The following SLC37A1 variants were observed in gnomAD, a reference collection of about 807,000 sequenced individuals.
SLC37A1 encodes the protein glucose-6-phosphate exchanger SLC37A1.
Under a neutral mutation model 75.3 loss-of-function variants are expected in SLC37A1, and 49 were observed. The observed-to-expected ratio is 0.65, with a 90% CI of 0.52 to 0.83. SLC37A1 has a LOEUF of 0.83. SLC37A1 is among the 40% of genes least tolerant of loss of function. SLC37A1 has a pLI of 0.00. For missense variants in SLC37A1, 566 were observed against 695.0 expected (o/e 0.81, Z 2.09); for synonymous variants, 268 against 292.1 (o/e 0.92, Z 0.84).
At chr21:42,572,362 G>A (rs866393576) in intron 17 of SLC37A1, among the ~76,000 whole-genome samples, 8 of 152,144 alleles carry the variant, frequency 5.3e-5, no homozygotes, top group South Asian at 4.2e-4. Context: ...GCCCCTGTTC[G>A]TTTGATAAGT....
At chr21:42,532,003 C>A (rs1055406519) in intron 3 of SLC37A1, among the ~76,000 whole-genome samples, 5 of 152,156 alleles carry the variant, frequency 3.3e-5, no homozygotes, top group Admixed American at 2.0e-4. Context: ...GAGAGGCACA[C>A]TCCGATTATG....
At chr21:42,522,093 C>CT (rs1330481719) in intron 2 of SLC37A1, among the ~76,000 whole-genome samples, 22 of 152,332 alleles carry the variant, frequency 1.4e-4, no homozygotes, top group Admixed American at 2.6e-4. Context: ...CTTCCTGTCT[C>CT]TGAGTCTTTG....
intron 3 of SLC37A1, among the ~76,000 whole-genome samples, chr21:42,529,364 G>A (rs2054881349): frequency 6.6e-6 from 1 of 152,176 alleles, no homozygotes; most frequent in African/African-American, 2.4e-5. Flanking sequence ...GAGGTCAGCA[G>A]TTCGAGACCA....
At chr21:42,563,020 AG>A (rs377379111) in intron 12 of SLC37A1, among the ~76,000 whole-genome samples, 120 of 152,224 alleles carry the variant, frequency 7.9e-4, no homozygotes, top group African/African-American at 2.8e-3. Flanking sequence ...CTGGGAGGGA[AG>A]TTGAGGAGGC....
intron 13 of SLC37A1, among the ~76,000 whole-genome samples, chr21:42,564,444 A>C (rs1044847450): frequency 2.0e-5 from 3 of 152,122 alleles, no homozygotes; most frequent in African/African-American, 7.2e-5. Flanking sequence ...CAGACTGGCC[A>C]CCTTAGTACC....
At position 42,547,586 on chromosome 21, in the gene SLC37A1, G is replaced by A. The variant is rs929651222; in HGVS notation, c.768+446G>A. The A allele has an allele frequency of 2.4e-5, 4 of 165,278 alleles. No individual in the cohort carries two copies. Among genetic ancestry groups the A allele is most frequent in the East Asian group, 3.6e-4 (2 of 5,520 alleles). The allele number at this position is 165,278 out of a possible 1,614,324, so 10.2% of individuals were successfully genotyped here. ...TGTACCCCTGCCCAGCTCAGCCAGCGTAGGCCCTGCAGGCAGGATTGCTGA... is the reference window on the plus strand; with the variant it reads ...TGTACCCCTGCCCAGCTCAGCCAGCATAGGCCCTGCAGGCAGGATTGCTGA... On this transcript the variant is annotated intron_variant, in intron 9 of 19. Coordinates refer to ENST00000352133, the MANE Select transcript of SLC37A1 (RefSeq NM_001320537.2). This position sits in a 1 kb window ranked among gnomAD's most constrained non-coding sequence, Gnocchi z 6.1.
chr21:42,559,749 G>A (rs181707158), intron 11 of SLC37A1, among the ~76,000 whole-genome samples: 5 of 152,214 alleles, frequency 3.3e-5, no homozygotes, highest in African/African-American at 7.2e-5. Flanking sequence ...GGTGGCAGGC[G>A]CCTGTAGTCC....
intron 8 of SLC37A1, 61 bp downstream of exon 8, chr21:42,543,663 G>A: frequency 2.0e-6 from 3 of 1,517,564 alleles, no homozygotes; most frequent in East Asian, 4.6e-5. Context: ...CCCTGCCTGG[G>A]TGGGCCTTGG....
At chr21:42,569,686 C>G (rs952633182) in intron 17 of SLC37A1, among the ~76,000 whole-genome samples, 1 of 152,276 alleles carries the variant, frequency 6.6e-6, no homozygotes, top group Non-Finnish European at 1.5e-5. Context: ...TTCTCTGGAG[C>G]GCTCTCCCCA....
At chr21:42,508,290 G>A (rs540628344) in intron 2 of SLC37A1, among the ~76,000 whole-genome samples, 27 of 152,042 alleles carry the variant, frequency 1.8e-4, no homozygotes, top group African/African-American at 4.6e-4. Flanking sequence ...CACCATGCCT[G>A]GCTAATTTTT....
intron 3 of SLC37A1, among the ~76,000 whole-genome samples, chr21:42,527,903 C>G (rs532556700): frequency 1.1e-4 from 17 of 152,276 alleles, no homozygotes; most frequent in Admixed American, 1.1e-3. Context: ...TTTATAGTGC[C>G]TTCTGAAGCG....
At chr21:42,575,978 T>C (rs931574420) in intron 18 of SLC37A1, 1 of 981,338 alleles carries the variant, frequency 1.0e-6, no homozygotes, top group Admixed American at 6.2e-5. Flanking sequence ...ATATCTTCTT[T>C]AGAACTATCT....
chr21:42,523,068 C>T (rs1047260989), intron 2 of SLC37A1, among the ~76,000 whole-genome samples: 1 of 152,246 alleles, frequency 6.6e-6, no homozygotes, highest in Non-Finnish European at 1.5e-5. Context: ...TCCTTCTGGG[C>T]TGTCTGGGTG....
At chr21:42,513,087 G>T (rs750385222), upstream of SLC37A1, among the ~76,000 whole-genome samples, 2 of 152,226 alleles carry the variant, frequency 1.3e-5, no homozygotes, top group Admixed American at 1.3e-4. Flanking sequence ...GCTCTTCCCC[G>T]AGGAGTGGGC....
intron 9 of SLC37A1, among the ~76,000 whole-genome samples, chr21:42,550,039 T>C (rs1214081159): frequency 6.6e-6 from 1 of 152,362 alleles, no homozygotes; most frequent in Middle Eastern, 3.4e-3. Context: ...ATCATCTTAA[T>C]ATTTTGTCTC....
At chr21:42,579,942 A>G (rs380152) in intron 19 of SLC37A1, 142 bp downstream of exon 19, 520,660 of 734,006 alleles carry the variant, frequency 0.71, 190,904 homozygotes, top group Admixed American at 0.83. Flanking sequence ...CTTCACTCTC[A>G]CTTTTTCTTT....
chr21:42,509,468 C>T (rs890425768), upstream of SLC37A1: 1 of 152,230 alleles, frequency 6.6e-6, no homozygotes, highest in Non-Finnish European at 1.5e-5. This position sits in a 1 kb window ranked among gnomAD's most constrained non-coding sequence, Gnocchi z 4.2. Flanking sequence ...AGTACTGCAA[C>T]TGGAAGTGTG....
intron 17 of SLC37A1, among the ~76,000 whole-genome samples, 198 bp from the exon 18 acceptor site, chr21:42,574,620 G>A (rs760456738): frequency 6.6e-6 from 1 of 152,134 alleles, no homozygotes; most frequent in African/African-American, 2.4e-5. Context: ...TGGATTTCAG[G>A]TTTTCAGATT....
chr21:42,514,253 G>A lies in SLC37A1; in HGVS notation c.-643G>A, dbSNP rs1249853928. ...GCGTTCCCGGACCGGGGCAACGCTG[G>A]GATTCCGGGGAAGTGGAGGCAGAGG... On this transcript the variant is annotated 5_prime_UTR_variant, in exon 1 of 20. The change creates a premature stop within an existing upstream ORF in the 5' untranslated region. Transcript: ENST00000352133. This position sits in a 1 kb window ranked among gnomAD's most constrained non-coding sequence, Gnocchi z 4.8. 1 of 152,106 alleles carries A rather than the reference G, an allele frequency of 6.6e-6. No individual in the cohort carries two copies. Among genetic ancestry groups the A allele is most frequent in the African/African-American group, 2.4e-5 (1 of 41,386 alleles). The allele number at this position is 152,106 out of a possible 1,614,324, so 9.4% of individuals were successfully genotyped here.
Sources: gnomAD v4.1 joint callset for allele counts (sites outside exome capture counted in the v4.1 genomes callset) on GRCh38, gnomAD v4.1.1 for gene constraint, Gnocchi (gnomAD v3.1) non-coding constraint, MANE v1.5 for transcripts, NCBI Gene and HGNC (gene_info 2026-07-23, HGNC 2026-07-21) for gene names.